The following ZNF569 variants were observed in gnomAD, a reference collection of about 807,000 sequenced individuals.
The protein encoded by ZNF569 is DNA-binding protein.
In ZNF569, 38 loss-of-function variants were observed where a neutral mutation model predicts 56.3. The ratio of observed to expected loss-of-function variants is 0.68; its 90% CI spans 0.52 to 0.88. The LOEUF is 0.88. Ranked by LOEUF, ZNF569 falls within the 40% of genes least tolerant of loss-of-function variation. The pLI is 0.00. For synonymous variants in ZNF569, 241 were observed against 262.9 expected (o/e 0.92, Z 0.81); for missense variants, 666 against 809.2 (o/e 0.82, Z 2.15).
chr19:37,431,186 G>T (rs2041219768), intron 3 of ZNF569, among the ~76,000 whole-genome samples: 1 of 152,142 alleles, frequency 6.6e-6, no homozygotes, highest in Admixed American at 6.5e-5. Context: ...GGACTAGGGG[G>T]TCATGGGACC....
At chr19:37,462,751 G>C (rs2041774933) in intron 2 of ZNF569, among the ~76,000 whole-genome samples, 1 of 152,086 alleles carries the variant, frequency 6.6e-6, no homozygotes, top group African/African-American at 2.4e-5. Context: ...TCAGAGATCA[G>C]TCATTTGCCT....
intron 3 of ZNF569, 79 bp from the exon 4 acceptor site, chr19:37,426,457 G>C: frequency 7.1e-7 from 1 of 1,409,476 alleles, no homozygotes; most frequent in East Asian, 2.5e-5. Flanking sequence ...ACCTTGTTCT[G>C]ATATTAATCA....
chr19:37,423,159 T>G (rs1273605972), intron 5 of ZNF569, among the ~76,000 whole-genome samples: 1 of 152,204 alleles, frequency 6.6e-6, no homozygotes, highest in African/African-American at 2.4e-5. Flanking sequence ...AGTGGGTAAT[T>G]TCATGGAAAA....
intron 2 of ZNF569, among the ~76,000 whole-genome samples, chr19:37,458,883 A>G (rs769621304): frequency 2.6e-5 from 4 of 152,344 alleles, no homozygotes; most frequent in Non-Finnish European, 5.9e-5. Flanking sequence ...AATAAAAACA[A>G]AGAATGCCTT....
chr19:37,444,931 T>C lies in ZNF569; in HGVS notation c.-10A>G. 6.2e-7 allele frequency: 1 copy of C among 1,608,814 alleles called. No individual in the cohort carries two copies. Among genetic ancestry groups the C allele is most frequent in the African/African-American group, 1.3e-5 (1 of 74,792 alleles). The stretch of plus-strand genomic sequence containing the variant: ...CCTGGGACTCAGTCATTTCCTCTTC[T>C]TTCTGGGAAGGGATGGGGCCTGCAG... On this transcript the variant is annotated 5_prime_UTR_variant, in exon 3 of 6. Coordinates refer to ENST00000316950, the MANE Select transcript of ZNF569 (RefSeq NM_152484.3).
intron 2 of ZNF569, among the ~76,000 whole-genome samples, chr19:37,445,664 A>C (rs1288724784): frequency 6.6e-6 from 1 of 152,206 alleles, no homozygotes; most frequent in Non-Finnish European, 1.5e-5. Flanking sequence ...AACCAAGCTG[A>C]GAATCAAATC....
intron 2 of ZNF569, among the ~76,000 whole-genome samples, chr19:37,457,087 CCT>C (rs1318947850): frequency 3.3e-5 from 5 of 151,848 alleles, no homozygotes; most frequent in African/African-American, 4.8e-5. Context: ...CATTTTTCTA[CCT>C]CTCTTTCCTT....
chr19:37,420,358 T>C (rs2041014453), intron 5 of ZNF569, among the ~76,000 whole-genome samples: 1 of 152,176 alleles, frequency 6.6e-6, no homozygotes, highest in African/African-American at 2.4e-5. Flanking sequence ...CTCTGTGGCA[T>C]GTGATGTTGT....
At position 37,426,233 on chromosome 19, in the gene ZNF569, T is replaced by C; in HGVS notation, c.142+19A>G. 16 of 1,592,080 alleles carry C rather than the reference T, an allele frequency of 1.0e-5. No individual in the cohort carries two copies. The highest frequency in any genetic ancestry group is 1.4e-5 in the Non-Finnish European group (16 of 1,173,196). ...TACTTTCTTTCCAGAGTTTGAATTA[T>C]ATAGTAAATTACTCTTACCTACTGT... On this transcript the variant is annotated intron_variant, in intron 4 of 5. Coordinates refer to ENST00000316950, the MANE Select transcript of ZNF569 (RefSeq NM_152484.3).
upstream of ZNF569, among the ~76,000 whole-genome samples, chr19:37,468,472 C>T (rs147130212): frequency 1.9e-3 from 291 of 152,114 alleles, 1 homozygote; most frequent in African/African-American, 6.8e-3. Flanking sequence ...GCAAAGCGCA[C>T]GGATCATTTG....
chr19:37,441,821 A>G (rs573088458), intron 3 of ZNF569, among the ~76,000 whole-genome samples: 1 of 152,306 alleles, frequency 6.6e-6, no homozygotes, highest in Admixed American at 6.5e-5. Flanking sequence ...TGAGCTGTGA[A>G]ATACACCATA....
chr19:37,425,688 C>T, intron 5 of ZNF569, 180 bp downstream of exon 5: 1 of 507,704 alleles, frequency 2.0e-6, no homozygotes, highest in East Asian at 3.3e-5. Flanking sequence ...TGGTCCCAAA[C>T]TCCTGGACTC....
chr19:37,413,900 T>A lies in ZNF569; in HGVS notation c.758A>T (p.Lys253Ile), dbSNP rs764885933. 2 of 1,613,402 alleles carry A rather than the reference T, an allele frequency of 1.2e-6. No individual in the cohort carries two copies. Among genetic ancestry groups the A allele is most frequent in the Non-Finnish European group, 1.7e-6 (2 of 1,179,920 alleles). The change falls in exon 6 of 6, where the codon AAA becomes ATA. Residue 253 changes from lysine (K) to isoleucine (I), a missense_variant. Coordinates refer to ENST00000316950, the MANE Select transcript of ZNF569 (RefSeq NM_152484.3). ...KCNECGKAFI[K>I]MSNLIRHQRI... is the part of the protein sequence containing the mutation. ...TTGATGTCTAATGAGATTTGACATT[T>A]TAATGAAAGCTTTACCACATTCATT...
At chr19:37,424,310 T>C (rs1410605588) in intron 5 of ZNF569, among the ~76,000 whole-genome samples, 1 of 152,022 alleles carries the variant, frequency 6.6e-6, no homozygotes, top group Non-Finnish European at 1.5e-5. Context: ...ATCCTGTATA[T>C]GAGGGTGGAT....
intron 2 of ZNF569, among the ~76,000 whole-genome samples, chr19:37,446,422 T>C (rs1047425364): frequency 2.0e-5 from 3 of 151,774 alleles, no homozygotes; most frequent in Non-Finnish European, 4.4e-5. Flanking sequence ...TGGTGGCAGG[T>C]GCCTGTAATC....
intron 2 of ZNF569, among the ~76,000 whole-genome samples, chr19:37,456,276 T>C (rs1208568530): frequency 1.3e-5 from 2 of 152,212 alleles, no homozygotes; most frequent in Non-Finnish European, 2.9e-5. Context: ...TTGGTCAGTA[T>C]ATATCACGGA....
At chr19:37,457,030 G>A (rs73631080) in intron 2 of ZNF569, among the ~76,000 whole-genome samples, 2,579 of 146,180 alleles carry the variant, frequency 0.018, 70 homozygotes, top group African/African-American at 0.061. Flanking sequence ...TGGAAGATCA[G>A]TACAAAGAAT....
chr19:37,415,494 G>C (rs535852253), intron 5 of ZNF569, among the ~76,000 whole-genome samples: 1 of 152,172 alleles, frequency 6.6e-6, no homozygotes, highest in East Asian at 1.9e-4. Context: ...TCACATTAAA[G>C]TCAGAAATAA....
chr19:37,435,921 C>T (rs1265507613), intron 3 of ZNF569, among the ~76,000 whole-genome samples: 3 of 152,132 alleles, frequency 2.0e-5, no homozygotes, highest in African/African-American at 4.8e-5. Context: ...ATTCTACTTT[C>T]AGCACTGGAC....
Sources: gnomAD v4.1 joint callset for allele counts (sites outside exome capture counted in the v4.1 genomes callset) on GRCh38, gnomAD v4.1.1 for gene constraint, MANE v1.5 for transcripts, NCBI Gene and HGNC (gene_info 2026-07-23, HGNC 2026-07-21) for gene names.